Variants in IL1RAPL1 observed in about 807,000 individuals in gnomAD.
IL1RAPL1 encodes interleukin-1 receptor accessory protein-like 1.
Under a neutral mutation model 48.4 loss-of-function variants are expected in IL1RAPL1, and 3 were observed. That is an observed-to-expected ratio of 0.06 (90% CI 0.03 to 0.16). The LOEUF (loss-of-function observed/expected upper bound fraction) is 0.16. Ranked by LOEUF, IL1RAPL1 falls within the 10% of genes least tolerant of loss-of-function variation. The pLI is 1.00. For missense variants in IL1RAPL1, 349 were observed against 530.6 expected, an observed-to-expected ratio of 0.66 and a Z score of 3.36; for synonymous variants, 185 against 187.7, an observed-to-expected ratio of 0.99 and a Z score of 0.12.
chrX:29,725,767 CTG>C (rs1431904598), intron 6 of IL1RAPL1, among the ~76,000 whole-genome samples: 4 of 112,278 alleles, frequency 3.6e-5, no homozygotes, highest in Non-Finnish European at 7.5e-5. Context: ...ATATACTAGA[CTG>C]TCAAAAAATT....
intron 5 of IL1RAPL1, among the ~76,000 whole-genome samples, chrX:29,439,314 G>A (rs1934515724): frequency 9.0e-6 from 1 of 111,515 alleles, no homozygotes; most frequent in Non-Finnish European, 1.9e-5. Flanking sequence ...TCTAGATCAT[G>A]TTCTTTTCAT....
chrX:28,970,845 T>C (rs1925053111), intron 2 of IL1RAPL1, among the ~76,000 whole-genome samples: 1 of 111,496 alleles, frequency 9.0e-6, no homozygotes, highest in South Asian at 3.7e-4. Flanking sequence ...TTAAAATATA[T>C]ATGTAAGTTC....
chrX:28,714,315 A>G (rs1935477650), intron 1 of IL1RAPL1, among the ~76,000 whole-genome samples: 1 of 111,533 alleles, frequency 9.0e-6, no homozygotes, highest in African/African-American at 3.3e-5. Flanking sequence ...TAGATACTCC[A>G]ATCTTTTTTC....
chrX:29,025,335 A>G (rs188167551), intron 2 of IL1RAPL1, among the ~76,000 whole-genome samples: 4 of 111,706 alleles, frequency 3.6e-5, no homozygotes, highest in East Asian at 5.6e-4. Context: ...TGTTGAGTCA[A>G]TAGCCTTGAT....
chrX:29,904,071 C>T (rs1434311432), intron 6 of IL1RAPL1, among the ~76,000 whole-genome samples: 2 of 112,140 alleles, frequency 1.8e-5, no homozygotes, highest in South Asian at 3.7e-4. Context: ...CTTAACTTGT[C>T]GAATTCTAAT....
intron 2 of IL1RAPL1, among the ~76,000 whole-genome samples, chrX:28,882,383 G>A (rs1053788756): frequency 7.2e-5 from 8 of 111,766 alleles, no homozygotes; most frequent in Non-Finnish European, 1.3e-4. Context: ...GGTGGCTCAC[G>A]CCTGTAATCC....
Position 29,919,902 on chromosome X carries a change from T to TA in IL1RAPL1, c.912-46dup, listed in dbSNP as rs761773742. The TA allele has an allele frequency of 3.6e-6, 4 of 1,109,951 alleles. No individual in the cohort carries two copies. The African/African-American group carries it at 7.2e-5, about 20-fold the overall frequency. The allele number at this position is 1,109,951 out of a possible 1,213,427, so 91.5% of individuals were successfully genotyped here. On this transcript the variant is annotated intron_variant, in intron 7 of 10. Transcript: ENST00000378993. ...CATCTACATTTCTTTCTTGTTTGTG[T>TA]ATGTGTCTGTTTGTGTGGATTTTTG...
chrX:29,917,993 C>T (rs1288045435), intron 7 of IL1RAPL1, among the ~76,000 whole-genome samples: 7 of 99,855 alleles, frequency 7.0e-5, no homozygotes, highest in African/African-American at 1.8e-4. Context: ...CATGGTGGTG[C>T]GTGCCTATTG....
chrX:29,220,365 T>A (rs1445693570), intron 2 of IL1RAPL1, among the ~76,000 whole-genome samples: 1 of 112,520 alleles, frequency 8.9e-6, no homozygotes, highest in Non-Finnish European at 1.9e-5. Context: ...ACATGAAACA[T>A]TAGTACATTT....
chrX:28,814,928 C>G (rs58788980), intron 2 of IL1RAPL1, among the ~76,000 whole-genome samples: 5,699 of 109,503 alleles, frequency 0.052, 310 homozygotes, highest in East Asian at 0.31. Flanking sequence ...TAACAGTATA[C>G]TGCTATATGC....
chrX:28,651,403 GCTGA>G (rs1934681123), intron 1 of IL1RAPL1, among the ~76,000 whole-genome samples: 1 of 112,147 alleles, frequency 8.9e-6, no homozygotes, highest in African/African-American at 3.2e-5. Context: ...CAGCAGCAGA[GCTGA>G]CTATTTACCA....
chrX:29,834,248 G>T lies in IL1RAPL1; in HGVS notation c.779-83216G>T, dbSNP rs188114890. 5.4e-5 allele frequency among the ~76,000 whole-genome samples: 6 copies of T among 111,539 alleles called. No individual in the cohort carries two copies. The Admixed American group carries it at 5.7e-4, about 11-fold the overall frequency. On this transcript the variant is annotated intron_variant, in intron 6 of 10. Transcript: ENST00000378993. ...ACAATGCATTCTTATTTTTTATTCT[G>T]CTTTTAAAGGGCATTGCTAAAAGTC...
At chrX:28,992,486 T>G (rs1925627820) in intron 2 of IL1RAPL1, among the ~76,000 whole-genome samples, 1 of 71,279 alleles carries the variant, frequency 1.4e-5, no homozygotes, top group Non-Finnish European at 2.5e-5. Context: ...CGAGACTCTG[T>G]CTCAAAAAAA....
At chrX:29,240,214 ATATATATATATTTTTTTTTTTT>A (rs1931388295) in intron 2 of IL1RAPL1, among the ~76,000 whole-genome samples, 1 of 25,700 alleles carries the variant, frequency 3.9e-5, no homozygotes, top group Admixed American at 5.1e-4. Context: ...ATATATATAT[ATATATATATATTTTTTTTTTTT>A]TTTTTTTTTT....
chrX:29,427,005 A>ATTT (rs1481985931), intron 5 of IL1RAPL1, among the ~76,000 whole-genome samples: 2 of 111,184 alleles, frequency 1.8e-5, no homozygotes, highest in African/African-American at 6.5e-5. Flanking sequence ...TTTTAAAAAA[A>ATTT]AAAAAAAAAG....
chrX:29,938,606 T>C lies in IL1RAPL1; in HGVS notation c.1058-3045T>C, dbSNP rs1169088356. ...AAAATGTTAAAGAATTGAAATATGA[T>C]TCACATAATATAAAGCGTGTAGCTC... On this transcript the variant is annotated intron_variant, in intron 8 of 10. Transcript: ENST00000378993. 2.7e-5 allele frequency among the ~76,000 whole-genome samples: 3 copies of C among 112,447 alleles called. No individual in the cohort carries two copies. The East Asian group carries it at 8.4e-4, about 31-fold the overall frequency.
At chrX:28,873,809 G>A (rs771158824) in intron 2 of IL1RAPL1, among the ~76,000 whole-genome samples, 1 of 109,618 alleles carries the variant, frequency 9.1e-6, no homozygotes, top group Non-Finnish European at 1.9e-5. Context: ...GGGATTACAA[G>A]CATGAGCCAC....
chrX:29,437,400 C>T (rs768501459), intron 5 of IL1RAPL1, among the ~76,000 whole-genome samples: 2 of 110,520 alleles, frequency 1.8e-5, no homozygotes, highest in African/African-American at 6.5e-5. Flanking sequence ...TATTTTATTT[C>T]GTTTTCTTGC....
intron 6 of IL1RAPL1, among the ~76,000 whole-genome samples, chrX:29,915,221 C>T (rs868153645): frequency 1.8e-5 from 2 of 111,701 alleles, no homozygotes; most frequent in African/African-American, 3.3e-5. Flanking sequence ...TGCTTAAACC[C>T]GGGAGGCAGA....
Sources: gnomAD v4.1 joint callset for allele counts (sites outside exome capture counted in the v4.1 genomes callset) on GRCh38, gnomAD v4.1.1 for gene constraint, MANE v1.5 for transcripts, NCBI Gene and HGNC (gene_info 2026-07-23, HGNC 2026-07-21) for gene names.